Variants in VWF observed in about 807,000 individuals in gnomAD.
The protein encoded by VWF is von Willebrand factor.
VWF carries 176 observed loss-of-function variants against 308.6 expected under a neutral mutation model. That is an observed-to-expected ratio of 0.57 (90% CI 0.50 to 0.65). VWF has a LOEUF of 0.65. VWF is among the 30% of genes least tolerant of loss of function. The pLI, the probability that VWF is intolerant of heterozygous loss-of-function variation, is 0.00. For missense variants in VWF, 3,146 were observed against 3,648.2 expected (o/e 0.86, Z 3.55); for synonymous variants, 1,385 against 1,443.4 (o/e 0.96, Z 0.92).
intron 47 of VWF, among the ~76,000 whole-genome samples, chr12:5,960,251 A>G (rs1943298488): frequency 6.6e-6 from 1 of 151,934 alleles, no homozygotes; most frequent in Admixed American, 6.6e-5. Flanking sequence ...TTGTGTAACT[A>G]AATTTGACCA....
intron 34 of VWF, among the ~76,000 whole-genome samples, chr12:6,005,619 C>T (rs1363418554): frequency 6.6e-6 from 1 of 152,092 alleles, no homozygotes; most frequent in Non-Finnish European, 1.5e-5. Context: ...TTGAAAGCAG[C>T]AAGAGAAAAG....
intron 17 of VWF, 147 bp from the exon 18 acceptor site, chr12:6,044,598 G>T: frequency 9.9e-7 from 1 of 1,010,508 alleles, no homozygotes; most frequent in Non-Finnish European, 1.5e-6. Flanking sequence ...GCCTGAGCCA[G>T]GGTCCCTGTG....
At chr12:5,951,331 C>T (rs972261096) in intron 50 of VWF, among the ~76,000 whole-genome samples, 4 of 152,044 alleles carry the variant, frequency 2.6e-5, no homozygotes, top group Admixed American at 2.6e-4. Context: ...AAACTTAGAC[C>T]AGCCCCCACA....
Position 6,121,166 on chromosome 12 carries a change from G to T in VWF, c.220+8C>A, listed in dbSNP as rs767856914. 9 of 1,614,114 alleles carry T rather than the reference G, an allele frequency of 5.6e-6. No homozygotes were observed. Among genetic ancestry groups the T allele is most frequent in the Non-Finnish European group, 7.6e-6 (9 of 1,180,026 alleles). On this transcript the variant is annotated splice_region_variant and intron_variant, in intron 3 of 51. Coordinates refer to ENST00000261405, the MANE Select transcript of VWF (RefSeq NM_000552.5). ...TCTGAAGTCCTCCCTGCAGTGCCCA[G>T]AACTCACCAATAATCGAGAAGGAGC...
At chr12:6,079,256 C>A (rs1241144361) in intron 6 of VWF, among the ~76,000 whole-genome samples, 1 of 152,202 alleles carries the variant, frequency 6.6e-6, no homozygotes, top group African/African-American at 2.4e-5. Flanking sequence ...CCCAGCTTCC[C>A]TGTTCTGCCA....
chr12:5,968,121 G>T lies in VWF; in HGVS notation c.7770+6C>A, dbSNP rs1364305141. The T allele has an allele frequency of 1.2e-6, 2 of 1,613,956 alleles. No homozygotes were observed. Among genetic ancestry groups the T allele is most frequent in the South Asian group, 1.1e-5 (1 of 91,070 alleles). ...ACTTGCTCTGGAGAAGAGGACAGCGGCTCACCCCAATGACAGTGCCATTGA... is the reference window on the plus strand; with the variant it reads ...ACTTGCTCTGGAGAAGAGGACAGCGTCTCACCCCAATGACAGTGCCATTGA... On this transcript the variant is annotated splice_donor_region_variant and intron_variant, in intron 46 of 51. Coordinates refer to ENST00000261405, the MANE Select transcript of VWF (RefSeq NM_000552.5).
At chr12:6,057,804 C>T (rs1404424299) in intron 14 of VWF, 45 bp downstream of exon 14, 5 of 1,565,952 alleles carry the variant, frequency 3.2e-6, no homozygotes, top group Non-Finnish European at 4.3e-6. Context: ...ATGTGGAGAC[C>T]TCGAGATTCT....
intron 5 of VWF, among the ~76,000 whole-genome samples, chr12:6,102,660 G>A (rs1320668297): frequency 6.6e-6 from 1 of 152,008 alleles, no homozygotes; most frequent in Non-Finnish European, 1.5e-5. Context: ...GCATGAACCT[G>A]GGAGGTGGAC....
chr12:6,090,326 G>A (rs528860154), intron 6 of VWF, among the ~76,000 whole-genome samples: 3 of 152,212 alleles, frequency 2.0e-5, no homozygotes, highest in Admixed American at 6.5e-5. Context: ...TTCACAAACC[G>A]CTCTAGAAGG....
chr12:6,022,066 A>T, intron 26 of VWF, 31 bp from the exon 27 acceptor site: 1 of 1,613,618 alleles, frequency 6.2e-7, no homozygotes, highest in Non-Finnish European at 8.5e-7. Context: ...TAGGAACCAA[A>T]ACGCTCCCCT....
intron 3 of VWF, among the ~76,000 whole-genome samples, chr12:6,112,974 C>A (rs1945326236): frequency 1.3e-5 from 2 of 152,142 alleles, no homozygotes; most frequent in South Asian, 4.1e-4. Flanking sequence ...TGAGGGCTCT[C>A]CCACGTAAAT....
At chr12:5,992,046 A>C (rs2136383247) in intron 37 of VWF, 28 bp from the exon 38 acceptor site, 2 of 1,606,440 alleles carry the variant, frequency 1.2e-6, no homozygotes, top group Non-Finnish European at 1.7e-6. Context: ...GGTCACTTGC[A>C]AAGGCCCACA....
At chr12:6,011,005 C>T (rs1355096128) in intron 34 of VWF, among the ~76,000 whole-genome samples, 1 of 152,128 alleles carries the variant, frequency 6.6e-6, no homozygotes, top group African/African-American at 2.4e-5. Flanking sequence ...GGGGAATGAG[C>T]TATAAATACA....
intron 6 of VWF, among the ~76,000 whole-genome samples, chr12:6,092,618 A>AGTGTGT (rs752209524): frequency 0.01 from 662 of 66,136 alleles, 14 homozygotes; most frequent in Non-Finnish European, 0.013. Flanking sequence ...AGTGAGTGAG[A>AGTGTGT]GTGTGTGTGT....
chr12:6,001,964 A>G (rs1943877564), intron 34 of VWF, among the ~76,000 whole-genome samples: 1 of 152,122 alleles, frequency 6.6e-6, no homozygotes, highest in South Asian at 2.1e-4. Context: ...AAATTTTTTT[A>G]ATTTATGATA....
chr12:6,063,185 A>C lies in VWF; in HGVS notation c.1433-131T>G, dbSNP rs1314641948. On this transcript the variant is annotated intron_variant, in intron 12 of 51. Transcript: ENST00000261405. This position sits in a 1 kb window ranked among gnomAD's most constrained non-coding sequence, Gnocchi z 4.9. ...CTGAAGAGCAATGACTTAGGGGCAGATGGGGTGGCCATGAGGTTTAAGGGG... is the reference window on the plus strand; with the variant it reads ...CTGAAGAGCAATGACTTAGGGGCAGCTGGGGTGGCCATGAGGTTTAAGGGG... The C allele has an allele frequency of 1.3e-6, 1 of 762,266 alleles. No homozygotes were observed. Among genetic ancestry groups the C allele is most frequent in the Non-Finnish European group, 2.2e-6 (1 of 444,448 alleles). 47.2% of individuals were successfully genotyped at this position (762,266 alleles called of 1,614,324 possible).
At chr12:6,021,851 GA>G in intron 27 of VWF, 48 bp downstream of exon 27, 1 of 1,613,478 alleles carries the variant, frequency 6.2e-7, no homozygotes, top group Non-Finnish European at 8.5e-7. Context: ...CTGGCCCCTG[GA>G]GAAGCAATAA....
At position 6,107,670 on chromosome 12, in the gene VWF, A is replaced by AT. The variant is rs1469600725; in HGVS notation, c.532+2703dup. Among the ~76,000 whole-genome samples the AT allele has an allele frequency of 5.9e-5, 9 of 151,522 alleles. No individual in the cohort carries two copies. The East Asian group carries it at 1.4e-3, about 23-fold the overall frequency. On this transcript the variant is annotated intron_variant, in intron 5 of 51. Transcript: ENST00000261405. ...AAAGATTCAATATATATATATATAT[A>AT]TTTTTTGAGACGGAGTCTCACTCTG...
chr12:6,085,681 G>A (rs1254550423), intron 6 of VWF, among the ~76,000 whole-genome samples: 1 of 150,738 alleles, frequency 6.6e-6, no homozygotes, highest in Non-Finnish European at 1.5e-5. Flanking sequence ...CATGGACACA[G>A]GGAGGGGAAC....
Sources: gnomAD v4.1 joint callset for allele counts (sites outside exome capture counted in the v4.1 genomes callset) on GRCh38, gnomAD v4.1.1 for gene constraint, Gnocchi (gnomAD v3.1) non-coding constraint, MANE v1.5 for transcripts, NCBI Gene and HGNC (gene_info 2026-07-23, HGNC 2026-07-21) for gene names.